Variants in MTUS1 observed in about 807,000 individuals in gnomAD.
MTUS1 encodes microtubule-associated tumor suppressor 1.
MTUS1 carries 109 observed loss-of-function variants against 120.8 expected under a neutral mutation model. That is an observed-to-expected ratio of 0.90 (90% CI 0.77 to 1.06). The LOEUF (loss-of-function observed/expected upper bound fraction) is 1.06, where lower values mean the gene tolerates loss of function less well. Among genes scored for constraint, MTUS1 ranks in the 50% least tolerant of loss-of-function variants. The probability of loss-of-function intolerance (pLI) is 0.00; values close to 1 mark genes in which losing one functional copy is unlikely to be tolerated. For synonymous variants in MTUS1, 737 were observed against 550.5 expected (o/e 1.34, Z -4.74); for missense variants, 2,210 against 1,486.3 (o/e 1.49, Z -8.01).
intron 6 of MTUS1, among the ~76,000 whole-genome samples, chr8:17,701,555 A>AT (rs906528353): frequency 1.7e-4 from 25 of 150,500 alleles, no homozygotes; most frequent in Middle Eastern, 6.8e-3. Context: ...TCATCGTAGA[A>AT]TTTTTTTTTT....
rs181786269 is a variant in MTUS1 at position 17,746,496 on chromosome 8, C to T, written c.2092-2697G>A. Among the ~76,000 whole-genome samples the T allele has an allele frequency of 1.6e-4, 24 of 152,232 alleles. No individual in the cohort carries two copies. The East Asian group carries it at 2.7e-3, about 17-fold the overall frequency. On this transcript the variant is annotated intron_variant, in intron 2 of 14. Transcript: ENST00000693296. ...GGCAGAAGGTGAAAGGTTCATCTTACAAGGCAGCAGACAAGAGAGAATAAA... is the reference window on the plus strand; with the variant it reads ...GGCAGAAGGTGAAAGGTTCATCTTATAAGGCAGCAGACAAGAGAGAATAAA...
chr8:17,705,657 T>C (rs939715269), intron 6 of MTUS1: 1 of 152,240 alleles, frequency 6.6e-6, no homozygotes, highest in Admixed American at 6.5e-5. Flanking sequence ...GAAGAAACCC[T>C]GGCAGCCTCG....
At chr8:17,652,124 ACAT>A (rs1807136138) in intron 12 of MTUS1, among the ~76,000 whole-genome samples, 7 of 152,228 alleles carry the variant, frequency 4.6e-5, no homozygotes, top group Admixed American at 3.9e-4. Context: ...CAGAGTATAA[ACAT>A]GAAATGAAAA....
chr8:17,683,818 C>T (rs951379920), intron 7 of MTUS1, among the ~76,000 whole-genome samples: 9 of 152,260 alleles, frequency 5.9e-5, no homozygotes, highest in East Asian at 3.9e-4. Flanking sequence ...AGTAACAACA[C>T]GGCAAATCTG....
Position 17,723,693 on chromosome 8 carries a change from G to T in MTUS1, c.2428C>A (p.Leu810Met), listed in dbSNP as rs935483060. 1 of 1,610,774 alleles carries T rather than the reference G, an allele frequency of 6.2e-7. No homozygotes were observed. The highest frequency in any genetic ancestry group is 1.7e-5 in the Admixed American group (1 of 59,888). ...TTACAATTGTTGCTGTAAGTGCTCAGCTCACTGTGGGTGCTGGCTATTGAG... is the reference window on the plus strand; with the variant it reads ...TTACAATTGTTGCTGTAAGTGCTCATCTCACTGTGGGTGCTGGCTATTGAG... ...TPSIASTHSE[L>M]STYSNNSGNA... Residue 810 changes from leucine (L) to methionine (M), a missense_variant, in exon 4 of 15, where the codon CTG becomes ATG. Transcript: ENST00000693296.
At chr8:17,699,602 A>G (rs2653202) in intron 6 of MTUS1, among the ~76,000 whole-genome samples, 28,313 of 152,234 alleles carry the variant, frequency 0.19, 2,785 homozygotes, top group East Asian at 0.3. Context: ...ATTCATTAAC[A>G]TTTTTACTTG....
chr8:17,755,359 C>A lies in MTUS1; in HGVS notation c.449G>T (p.Gly150Val). The change falls in exon 2 of 15, where the codon GGC (glycine) becomes GTC (valine). Residue 150 changes from glycine (G) to valine (V), a missense_variant. Coordinates refer to ENST00000693296, the MANE Select transcript of MTUS1 (RefSeq NM_001363059.2). ...GTTTAGCTCCAAGGCATCACAGTAGCCTGCACAGTTCAAATTGTCATTAGG... is the reference window on the plus strand; with the variant it reads ...GTTTAGCTCCAAGGCATCACAGTAGACTGCACAGTTCAAATTGTCATTAGG... ...WKPNDNLNCA[G>V]YCDALELNQT... 1 of 1,614,178 alleles carries A rather than the reference C, an allele frequency of 6.2e-7. No individual in the cohort carries two copies. Among genetic ancestry groups the A allele is most frequent in the Non-Finnish European group, 8.5e-7 (1 of 1,180,012 alleles).
chr8:17,744,417 G>C (rs2047573557), intron 2 of MTUS1, among the ~76,000 whole-genome samples: 1 of 151,842 alleles, frequency 6.6e-6, no homozygotes, highest in East Asian at 1.9e-4. Flanking sequence ...CAGGTCTTTA[G>C]ATAATAACTT....
chr8:17,667,780 C>T (rs1031481180), intron 8 of MTUS1, among the ~76,000 whole-genome samples: 2 of 152,210 alleles, frequency 1.3e-5, no homozygotes, highest in African/African-American at 2.4e-5. Context: ...TGCTTTCCAG[C>T]TTCCCTTGGG....
At chr8:17,699,662 A>C (rs927266243) in intron 6 of MTUS1, among the ~76,000 whole-genome samples, 1 of 152,252 alleles carries the variant, frequency 6.6e-6, no homozygotes, top group Non-Finnish European at 1.5e-5. Context: ...ATTGTTAATG[A>C]TATCTCTTAA....
intron 3 of MTUS1, among the ~76,000 whole-genome samples, chr8:17,725,382 C>A (rs1213970828): frequency 6.6e-6 from 1 of 152,168 alleles, no homozygotes; most frequent in African/African-American, 2.4e-5. Context: ...AAGCTCCCCT[C>A]CTTCGGCTCC....
intron 6 of MTUS1, among the ~76,000 whole-genome samples, chr8:17,695,110 G>A (rs1817694030): frequency 6.6e-6 from 1 of 152,132 alleles, no homozygotes; most frequent in African/African-American, 2.4e-5. Context: ...CACCATGACG[G>A]CATGAATTAC....
intron 6 of MTUS1, among the ~76,000 whole-genome samples, chr8:17,696,362 G>T (rs976191093): frequency 2.0e-5 from 3 of 152,062 alleles, no homozygotes; most frequent in African/African-American, 7.2e-5. Context: ...GATGAGCCAC[G>T]TGGAAAATAA....
intron 4 of MTUS1, among the ~76,000 whole-genome samples, chr8:17,720,276 C>A (rs1240935091): frequency 1.3e-5 from 2 of 151,366 alleles, no homozygotes; most frequent in Non-Finnish European, 2.9e-5. Context: ...ACCCGGGAGG[C>A]AGAGGTTGCA....
intron 3 of MTUS1, among the ~76,000 whole-genome samples, chr8:17,728,526 A>G (rs1351401646): frequency 6.6e-6 from 1 of 152,264 alleles, no homozygotes; most frequent in Non-Finnish European, 1.5e-5. Flanking sequence ...AAACATATAC[A>G]GAGCCAGAAC....
chr8:17,800,282 G>T (rs771262561), intron 1 of MTUS1, among the ~76,000 whole-genome samples: 1 of 151,954 alleles, frequency 6.6e-6, no homozygotes, highest in South Asian at 2.1e-4. Flanking sequence ...ATTGACTTTC[G>T]ATCACCTGCA....
intron 1 of MTUS1, 64 bp from the exon 2 acceptor site, chr8:17,756,025 T>A (rs1230581519): frequency 1.2e-5 from 12 of 1,008,054 alleles, no homozygotes; most frequent in Non-Finnish European, 9.5e-6. Context: ...ACCCCTTGGT[T>A]TCAATCACTA....
intron 8 of MTUS1, among the ~76,000 whole-genome samples, chr8:17,673,564 AC>A (rs979963579): frequency 8.5e-5 from 13 of 152,130 alleles, no homozygotes; most frequent in African/African-American, 3.1e-4. Context: ...CAATCTTCCC[AC>A]CTCACACTCC....
intron 6 of MTUS1, among the ~76,000 whole-genome samples, chr8:17,687,732 A>G (rs1816119831): frequency 6.6e-6 from 1 of 152,200 alleles, no homozygotes; most frequent in African/African-American, 2.4e-5. Flanking sequence ...CAGGAAAACG[A>G]AGGCCAGAAC....
Sources: allele counts gnomAD v4.1 joint callset (sites outside exome capture counted in the v4.1 genomes callset), GRCh38; gene constraint gnomAD v4.1.1; transcripts MANE v1.5; gene names NCBI Gene and HGNC (gene_info 2026-07-23, HGNC 2026-07-21).